RAP1GDS1: variants seen among roughly 807,000 people sequenced by gnomAD.
RAP1GDS1 encodes Rap1 GTPase-GDP dissociation stimulator 1, also known as RAP1, GTP-GDP dissociation stimulator 1.
A neutral mutation model predicts 71.1 loss-of-function variants in RAP1GDS1; 35 were observed. The ratio of observed to expected loss-of-function variants is 0.49; its 90% CI spans 0.38 to 0.65. RAP1GDS1 has a LOEUF of 0.65. Among genes scored for constraint, RAP1GDS1 ranks in the 30% least tolerant of loss-of-function variants. The probability of loss-of-function intolerance (pLI) is 0.00; values close to 1 mark genes in which losing one functional copy is unlikely to be tolerated. For missense variants in RAP1GDS1, 663 were observed against 706.1 expected (o/e 0.94, Z 0.69); for synonymous variants, 229 against 243.1 (o/e 0.94, Z 0.54).
intron 2 of RAP1GDS1, among the ~76,000 whole-genome samples, chr4:98,303,198 T>A: frequency 6.6e-6 from 1 of 152,168 alleles, no homozygotes; most frequent in East Asian, 1.9e-4. Flanking sequence ...ATCAAAGCTG[T>A]AGAAGAATCC....
At chr4:98,350,001 G>C (rs1736924422) in intron 3 of RAP1GDS1, among the ~76,000 whole-genome samples, 2 of 152,304 alleles carry the variant, frequency 1.3e-5, no homozygotes, top group Admixed American at 1.3e-4. Flanking sequence ...GTGACTGAAA[G>C]CTGAGGAATA....
rs747552769 is a variant in RAP1GDS1 at position 98,416,930 on chromosome 4, A to G, written c.907+42A>G. 6.9e-6 allele frequency: 11 copies of G among 1,591,748 alleles called. 1 individual carries two copies. The South Asian group carries it at 1.3e-4, about 18-fold the overall frequency. On this transcript the variant is annotated intron_variant, in intron 8 of 14. Coordinates refer to ENST00000408927, the MANE Select transcript of RAP1GDS1 (RefSeq NM_001100427.2). ...GCCAGCCAAAGAATGTGGTTGTCAG[A>G]TGTTTTTAAAATTTATTGTCTCTTC...
chr4:98,320,715 C>T (rs1160542927), intron 2 of RAP1GDS1, among the ~76,000 whole-genome samples: 1 of 151,646 alleles, frequency 6.6e-6, no homozygotes, highest in Non-Finnish European at 1.5e-5. Flanking sequence ...AGGGACCTGT[C>T]TGTTAGAAGG....
chr4:98,304,972 G>GT (rs775992980), intron 2 of RAP1GDS1, among the ~76,000 whole-genome samples: 54 of 151,626 alleles, frequency 3.6e-4, no homozygotes, highest in Admixed American at 9.2e-4. Flanking sequence ...AAGAGCAGAT[G>GT]GTTCTAGATG....
chr4:98,441,725 C>A, intron 14 of RAP1GDS1: 1 of 669,150 alleles, frequency 1.5e-6, no homozygotes, highest in Non-Finnish European at 1.8e-6. Context: ...TGTGACCATG[C>A]CACTGTACTC....
At chr4:98,380,178 G>A (rs9992518) in intron 5 of RAP1GDS1, among the ~76,000 whole-genome samples, 22,016 of 151,382 alleles carry the variant, frequency 0.15, 2,340 homozygotes, top group African/African-American at 0.3. Context: ...ACTGTGGTAA[G>A]TTGAAGAGCC....
At chr4:98,267,164 G>A (rs1722808417) in intron 1 of RAP1GDS1, among the ~76,000 whole-genome samples, 1 of 150,064 alleles carries the variant, frequency 6.7e-6, no homozygotes, top group South Asian at 2.1e-4. Flanking sequence ...GTTTATTAAG[G>A]ATATTAGCTT....
rs758330907 is a variant in RAP1GDS1 at position 98,409,502 on chromosome 4, GTGT to G, written c.763+4907_763+4909del. The G allele has an allele frequency of 1.8e-5, 3 of 163,740 alleles. No individual in the cohort carries two copies. In the East Asian group the frequency reaches 5.3e-4, roughly 29 times the overall value. The allele number at this position is 163,740 out of a possible 1,614,324, so 10.1% of individuals were successfully genotyped here. ...TATGGTGTTACCCGGCATGGTACTA[GTGT>G]TGTTGTAAACAAACAAGGGCAAGAT... On this transcript the variant is annotated intron_variant, in intron 7 of 14. Coordinates refer to ENST00000408927, the MANE Select transcript of RAP1GDS1 (RefSeq NM_001100427.2).
intron 2 of RAP1GDS1, among the ~76,000 whole-genome samples, chr4:98,339,166 T>C (rs1735136662): frequency 1.3e-5 from 2 of 152,142 alleles, no homozygotes; most frequent in East Asian, 1.9e-4. Context: ...CTTTCCTATA[T>C]CTGGCAGTGT....
chr4:98,285,906 A>AAT (rs1224559924), intron 1 of RAP1GDS1, among the ~76,000 whole-genome samples: 1 of 147,572 alleles, frequency 6.8e-6, no homozygotes, highest in African/African-American at 2.5e-5. Context: ...AAACATTATA[A>AAT]ATTATTTATA....
chr4:98,413,025 C>T (rs1049472325), intron 7 of RAP1GDS1, among the ~76,000 whole-genome samples: 3 of 152,158 alleles, frequency 2.0e-5, no homozygotes, highest in South Asian at 2.1e-4. Flanking sequence ...CAGAAAACAG[C>T]GTTCGAGAGC....
chr4:98,348,128 A>C (rs1260694021), intron 3 of RAP1GDS1, among the ~76,000 whole-genome samples: 3 of 148,618 alleles, frequency 2.0e-5, no homozygotes, highest in African/African-American at 2.5e-5. Flanking sequence ...CCCCCACCCC[A>C]CAACAGGCCC....
chr4:98,330,663 T>C (rs1316047235), intron 2 of RAP1GDS1, among the ~76,000 whole-genome samples: 1 of 146,650 alleles, frequency 6.8e-6, no homozygotes. Context: ...CTAGACGGGA[T>C]GACGGCCGGG....
intron 7 of RAP1GDS1, among the ~76,000 whole-genome samples, chr4:98,415,851 A>G (rs1417511368): frequency 2.0e-5 from 3 of 152,214 alleles, no homozygotes; most frequent in Admixed American, 1.3e-4. Flanking sequence ...CCATGTACCC[A>G]TCACTCAAGA....
intron 7 of RAP1GDS1, among the ~76,000 whole-genome samples, chr4:98,412,580 G>C (rs114865334): frequency 2.0e-5 from 3 of 152,148 alleles, no homozygotes; most frequent in Non-Finnish European, 1.5e-5. Context: ...ATCTTAAGGA[G>C]TATCAACTAC....
chr4:98,392,493 T>C (rs1285723786), intron 6 of RAP1GDS1, among the ~76,000 whole-genome samples: 1 of 152,188 alleles, frequency 6.6e-6, no homozygotes, highest in Non-Finnish European at 1.5e-5. Context: ...GGTGGGTGGA[T>C]TGCTTGAGCT....
chr4:98,401,425 T>A (rs1745391307), intron 6 of RAP1GDS1, among the ~76,000 whole-genome samples: 1 of 152,202 alleles, frequency 6.6e-6, no homozygotes, highest in African/African-American at 2.4e-5. Context: ...TAGTGTTTCA[T>A]CTTTCATAGT....
intron 4 of RAP1GDS1, 59 bp downstream of exon 4, chr4:98,352,660 A>C: frequency 6.3e-7 from 1 of 1,580,554 alleles, no homozygotes; most frequent in Non-Finnish European, 8.6e-7. Flanking sequence ...TATTCAGACT[A>C]ATCTGCTTTT....
intron 1 of RAP1GDS1, among the ~76,000 whole-genome samples, chr4:98,282,243 CT>C (rs1350690580): frequency 6.6e-6 from 1 of 152,082 alleles, no homozygotes; most frequent in African/African-American, 2.4e-5. Flanking sequence ...TGTCCCTGGA[CT>C]TTTTTTGGTT....
Sources: gnomAD v4.1 joint callset for allele counts (sites outside exome capture counted in the v4.1 genomes callset) on GRCh38, gnomAD v4.1.1 for gene constraint, MANE v1.5 for transcripts, NCBI Gene and HGNC (gene_info 2026-07-23, HGNC 2026-07-21) for gene names.